MAGI2: variants seen among roughly 807,000 people sequenced by gnomAD.
MAGI2 encodes membrane-associated guanylate kinase, WW and PDZ domain-containing protein 2.
Under a neutral mutation model 133.3 loss-of-function variants are expected in MAGI2, and 35 were observed. The ratio of observed to expected loss-of-function variants is 0.26; its 90% CI spans 0.20 to 0.35. MAGI2 has a LOEUF of 0.35. MAGI2 is among the 10% of genes least tolerant of loss of function. The pLI, the probability that MAGI2 is intolerant of heterozygous loss-of-function variation, is 1.00. For missense variants in MAGI2, 1,636 were observed against 1,863.4 expected (o/e 0.88, Z 2.25); for synonymous variants, 729 against 710.6 (o/e 1.03, Z -0.41).
chr7:78,908,129 T>C (rs1798119114), intron 2 of MAGI2, among the ~76,000 whole-genome samples: 1 of 152,136 alleles, frequency 6.6e-6, no homozygotes, highest in South Asian at 2.1e-4. Context: ...AGGTATATTG[T>C]AGAGTGACAG....
chr7:78,504,418 T>C (rs140911935), intron 4 of MAGI2, among the ~76,000 whole-genome samples: 10 of 152,218 alleles, frequency 6.6e-5, no homozygotes, highest in African/African-American at 1.4e-4. Flanking sequence ...ATGAGTCTTA[T>C]TTGTTGGGGA....
At chr7:79,101,574 A>T (rs948968572) in intron 1 of MAGI2, among the ~76,000 whole-genome samples, 11 of 151,926 alleles carry the variant, frequency 7.2e-5, no homozygotes, top group African/African-American at 2.7e-4. Flanking sequence ...AATACAAAAA[A>T]TTAGGCAGGC....
intron 1 of MAGI2, among the ~76,000 whole-genome samples, chr7:79,249,812 C>T (rs550055883): frequency 5.9e-5 from 9 of 152,162 alleles, no homozygotes; most frequent in African/African-American, 2.2e-4. Context: ...GACAGTATTA[C>T]CCTGATACTG....
At chr7:79,058,642 A>C (rs544768185) in intron 1 of MAGI2, among the ~76,000 whole-genome samples, 2 of 152,278 alleles carry the variant, frequency 1.3e-5, no homozygotes, top group South Asian at 2.1e-4. Flanking sequence ...AGACATCAGC[A>C]AACACTTTCT....
chr7:78,234,935 A>G (rs1790370227), intron 10 of MAGI2, among the ~76,000 whole-genome samples: 1 of 152,208 alleles, frequency 6.6e-6, no homozygotes, highest in Non-Finnish European at 1.5e-5. Flanking sequence ...AATAAAATTT[A>G]TTACAGTATA....
chr7:79,101,723 CAAAAAAA>C (rs376256842), intron 1 of MAGI2, among the ~76,000 whole-genome samples: 1 of 112,782 alleles, frequency 8.9e-6, no homozygotes, highest in Non-Finnish European at 1.7e-5. Flanking sequence ...GACTCTGTCA[CAAAAAAA>C]AAAAAAAAAA....
chr7:78,752,364 A>G (rs1219639589), intron 2 of MAGI2, among the ~76,000 whole-genome samples: 1 of 152,142 alleles, frequency 6.6e-6, no homozygotes, highest in Non-Finnish European at 1.5e-5. Flanking sequence ...GCACTTTGGG[A>G]GGCCGAGGTA....
At chr7:78,239,460 C>A (rs970496688) in intron 10 of MAGI2, among the ~76,000 whole-genome samples, 2 of 152,136 alleles carry the variant, frequency 1.3e-5, no homozygotes, top group East Asian at 1.9e-4. Flanking sequence ...ACAATTGACA[C>A]AATGAAGTGA....
chr7:79,128,620 A>C (rs866509988), intron 1 of MAGI2, among the ~76,000 whole-genome samples: 8 of 152,206 alleles, frequency 5.3e-5, no homozygotes, highest in Non-Finnish European at 1.0e-4. Flanking sequence ...ACATTATACT[A>C]TTCTGCTCCA....
chr7:78,265,581 T>C (rs1163671404), intron 9 of MAGI2, among the ~76,000 whole-genome samples: 11 of 152,012 alleles, frequency 7.2e-5, no homozygotes, highest in Non-Finnish European at 8.8e-5. Context: ...ACCCTAAAAG[T>C]TTATGAAAGC....
At chr7:78,177,426 A>ACC (rs1826753532) in intron 14 of MAGI2, among the ~76,000 whole-genome samples, 1 of 151,712 alleles carries the variant, frequency 6.6e-6, no homozygotes, top group African/African-American at 2.4e-5. Context: ...GCGCACACAC[A>ACC]CACACACACA....
At chr7:79,332,288 G>A (rs1290788312) in intron 1 of MAGI2, among the ~76,000 whole-genome samples, 1 of 152,250 alleles carries the variant, frequency 6.6e-6, no homozygotes, top group East Asian at 1.9e-4. Flanking sequence ...AGATGCAATT[G>A]GTCACTCTAC....
At chr7:78,705,621 G>A (rs1261414271) in intron 2 of MAGI2, among the ~76,000 whole-genome samples, 1 of 152,136 alleles carries the variant, frequency 6.6e-6, no homozygotes, top group African/African-American at 2.4e-5. Flanking sequence ...AGTGGACTGT[G>A]AAGAAGCTGA....
rs1794662759 is a variant in MAGI2, at chr7:78,501,915, TGAAAAA to T, written c.755-134_755-129del. ...TATGAAGGCTAACAGGAAACATTTC[TGAAAAA>T]GCATAATGATCACTAGGCCTATTTG... On this transcript the variant is annotated intron_variant, in intron 4 of 21. Coordinates refer to ENST00000354212, the MANE Select transcript of MAGI2 (RefSeq NM_012301.4). The T allele has an allele frequency of 4.5e-6, 3 of 661,736 alleles. No individual in the cohort carries two copies. In the Admixed American group the frequency reaches 8.1e-5, roughly 18 times the overall value. The allele number at this position is 661,736 out of a possible 1,614,324, so 41.0% of individuals were successfully genotyped here.
At chr7:78,659,453 C>CAAAAAAAAAAAAAAAAAAAA (rs1812688476) in intron 2 of MAGI2, among the ~76,000 whole-genome samples, 1 of 86,702 alleles carries the variant, frequency 1.2e-5, no homozygotes, top group Non-Finnish European at 2.3e-5. Flanking sequence ...AAAAAAAAAG[C>CAAAAAAAAAAAAAAAAAAAA]AAAACAAAAC....
At chr7:78,746,260 AAAT>A (rs1822919533) in intron 2 of MAGI2, among the ~76,000 whole-genome samples, 1 of 152,238 alleles carries the variant, frequency 6.6e-6, no homozygotes, top group Non-Finnish European at 1.5e-5. Context: ...GCAGAAACTG[AAAT>A]GATGAAGCTC....
chr7:78,831,667 T>A (rs1353915052), intron 2 of MAGI2, among the ~76,000 whole-genome samples: 1 of 152,220 alleles, frequency 6.6e-6, no homozygotes, highest in Non-Finnish European at 1.5e-5. Flanking sequence ...CTTCTGTACT[T>A]TCTACTTCTC....
intron 2 of MAGI2, among the ~76,000 whole-genome samples, chr7:78,977,188 C>T (rs1399621707): frequency 6.6e-6 from 1 of 151,662 alleles, no homozygotes; most frequent in Non-Finnish European, 1.5e-5. Flanking sequence ...AATCTCAAGA[C>T]TTACTACAAA....
intron 2 of MAGI2, among the ~76,000 whole-genome samples, chr7:78,706,383 G>T (rs1818651375): frequency 6.6e-6 from 1 of 151,798 alleles, no homozygotes; most frequent in East Asian, 1.9e-4. Flanking sequence ...ATGATTCCGA[G>T]ACCTTCCCAG....
Sources: allele counts gnomAD v4.1 joint callset (sites outside exome capture counted in the v4.1 genomes callset), GRCh38; gene constraint gnomAD v4.1.1; transcripts MANE v1.5; gene names NCBI Gene and HGNC (gene_info 2026-07-23, HGNC 2026-07-21).